The following CLVS1 variants were observed in gnomAD, a reference collection of about 807,000 sequenced individuals.
The protein encoded by CLVS1 is clavesin 1, also known as clavesin-1.
In CLVS1, 10 loss-of-function variants were observed where a neutral mutation model predicts 33.1. The observed-to-expected ratio is 0.30, with a 90% CI of 0.19 to 0.51. The LOEUF is 0.51. Among genes scored for constraint, CLVS1 ranks in the 20% least tolerant of loss-of-function variants. CLVS1 has a pLI of 0.97. For missense variants in CLVS1, 343 were observed against 433.4 expected (o/e 0.79, Z 1.85); for synonymous variants, 163 against 166.1 (o/e 0.98, Z 0.14).
At position 61,245,402 on chromosome 8, in the gene CLVS1, GC is replaced by G. The variant is rs200603615; in HGVS notation, c.-151-54273del. Reference sequence around the variant, plus strand: ...GGGTTTCACCATGTTGGCCAGGATGGCCTCAATCTCCTGAACTTGTGATCTG... The same window carrying G: ...GGGTTTCACCATGTTGGCCAGGATGGCTCAATCTCCTGAACTTGTGATCTG... On this transcript the variant is annotated intron_variant, in intron 2 of 2. Coordinates refer to the CLVS1 transcript ENST00000522621. Among the ~76,000 whole-genome samples, 50 of 152,136 alleles carry G rather than the reference GC, an allele frequency of 3.3e-4. No homozygotes were observed. In the East Asian group the frequency reaches 8.5e-3, roughly 26 times the overall value.
At chr8:61,470,250 GAATTTAGTTAAT>G (rs1404331091) in intron 5 of CLVS1, among the ~76,000 whole-genome samples, 1 of 152,140 alleles carries the variant, frequency 6.6e-6, no homozygotes, top group East Asian at 1.9e-4. Context: ...TCTATATAAT[GAATTTAGTTAAT>G]AAGAGAATGA....
chr8:61,393,794 G>A (rs951151033), intron 3 of CLVS1, among the ~76,000 whole-genome samples: 1 of 152,214 alleles, frequency 6.6e-6, no homozygotes, highest in Non-Finnish European at 1.5e-5. Context: ...ACCAGCACCT[G>A]CTCCAGTGGA....
chr8:61,481,267 G>A (rs10481230), intron 5 of CLVS1, among the ~76,000 whole-genome samples: 85,600 of 151,424 alleles, frequency 0.57, 27,703 homozygotes, highest in Non-Finnish European at 0.72. Flanking sequence ...CTAAATATGA[G>A]CAGCTCCAGT....
chr8:61,075,126 A>G (rs928802160), intron 1 of CLVS1, among the ~76,000 whole-genome samples: 5 of 152,172 alleles, frequency 3.3e-5, no homozygotes, highest in African/African-American at 9.7e-5. Flanking sequence ...AGGACTTTCC[A>G]GCAGCCTCAA....
At chr8:61,269,164 G>A (rs1275793259) in intron 2 of CLVS1, among the ~76,000 whole-genome samples, 1 of 149,684 alleles carries the variant, frequency 6.7e-6, no homozygotes, top group African/African-American at 2.5e-5. Flanking sequence ...TAACGTTTAA[G>A]TCTTTAATCC....
At chr8:61,244,382 T>G (rs993254174) in intron 2 of CLVS1, among the ~76,000 whole-genome samples, 1 of 152,076 alleles carries the variant, frequency 6.6e-6, no homozygotes, top group African/African-American at 2.4e-5. Flanking sequence ...GAAAGTTGTC[T>G]TGTTTTATGG....
At chr8:61,289,772 G>C (rs1036201634) in intron 1 of CLVS1, among the ~76,000 whole-genome samples, 5 of 152,142 alleles carry the variant, frequency 3.3e-5, no homozygotes, top group African/African-American at 1.2e-4. Flanking sequence ...TGTATCTTGC[G>C]GAAGAAGTTC....
chr8:61,090,333 C>T (rs943994948), intron 1 of CLVS1, among the ~76,000 whole-genome samples: 1 of 152,126 alleles, frequency 6.6e-6, no homozygotes, highest in East Asian at 1.9e-4. Flanking sequence ...TATTAATTAT[C>T]CTGTCCACGC....
chr8:61,165,594 T>A (rs1013128627), intron 2 of CLVS1, among the ~76,000 whole-genome samples: 12 of 152,362 alleles, frequency 7.9e-5, no homozygotes, highest in African/African-American at 2.6e-4. Context: ...CAACTAGGCT[T>A]AGGGATTCTT....
At chr8:61,024,912 A>C in the CLVS1 span, among the ~76,000 whole-genome samples, 1 of 147,518 alleles carries the variant, frequency 6.8e-6, no homozygotes, top group Non-Finnish European at 1.5e-5. Context: ...CAGTGGCGTG[A>C]TCTCTGCTCA....
intron 5 of CLVS1, among the ~76,000 whole-genome samples, chr8:61,478,941 A>G (rs1296841073): frequency 6.6e-6 from 1 of 152,226 alleles, no homozygotes; most frequent in South Asian, 2.1e-4. Context: ...AGTTTCTGCC[A>G]AGAGATCCGC....
chr8:61,324,141 T>C (rs748875093), intron 2 of CLVS1, among the ~76,000 whole-genome samples: 7 of 152,136 alleles, frequency 4.6e-5, no homozygotes, highest in Non-Finnish European at 8.8e-5. Flanking sequence ...TGATTTATAT[T>C]CCTTTGGGTA....
At chr8:61,228,778 A>G (rs1808378261) in intron 2 of CLVS1, among the ~76,000 whole-genome samples, 1 of 152,170 alleles carries the variant, frequency 6.6e-6, no homozygotes, top group Non-Finnish European at 1.5e-5. Flanking sequence ...CCACATTTTT[A>G]ATGCATTTAT....
the CLVS1 span, among the ~76,000 whole-genome samples, chr8:61,002,092 C>T: frequency 6.6e-6 from 1 of 152,040 alleles, no homozygotes; most frequent in Non-Finnish European, 1.5e-5. Flanking sequence ...AATCCTTCTA[C>T]CTCACCCTCC....
At chr8:61,173,921 T>A (rs2129299029) in intron 2 of CLVS1, among the ~76,000 whole-genome samples, 1 of 152,316 alleles carries the variant, frequency 6.6e-6, no homozygotes, top group Admixed American at 6.5e-5. Flanking sequence ...AAAATATGGG[T>A]TATTTTTGCC....
chr8:61,321,001 C>A lies in CLVS1; in HGVS notation c.455+20719C>A, dbSNP rs1052231503. ...GATCTTTTCATTCACTTAAAAAAAA[C>A]TATTGTAATCAATTTTATAACCATT... On this transcript the variant is annotated intron_variant, in intron 2 of 5. Coordinates refer to ENST00000325897, the MANE Select transcript of CLVS1 (RefSeq NM_173519.3). 2.6e-5 allele frequency among the ~76,000 whole-genome samples: 4 copies of A among 152,258 alleles called. No individual in the cohort carries two copies. The South Asian group carries it at 8.3e-4, about 32-fold the overall frequency.
chr8:61,335,078 G>A (rs780660009), intron 2 of CLVS1, among the ~76,000 whole-genome samples: 5 of 152,142 alleles, frequency 3.3e-5, no homozygotes, highest in African/African-American at 1.2e-4. Flanking sequence ...TGGGTTGGGG[G>A]CCAAGATCAA....
chr8:61,023,747 G>C, the CLVS1 span, among the ~76,000 whole-genome samples: 1 of 152,150 alleles, frequency 6.6e-6, no homozygotes, highest in African/African-American at 2.4e-5. Flanking sequence ...GTGGGGGAGA[G>C]GCCCAGGGAG....
At chr8:61,150,328 A>G (rs1806504173) in intron 2 of CLVS1, among the ~76,000 whole-genome samples, 1 of 152,190 alleles carries the variant, frequency 6.6e-6, no homozygotes, top group African/African-American at 2.4e-5. Context: ...AGCCAGGGGC[A>G]TGGCGCTTAG....
Sources: allele counts gnomAD v4.1 joint callset (sites outside exome capture counted in the v4.1 genomes callset), GRCh38; gene constraint gnomAD v4.1.1; transcripts MANE v1.5; gene names NCBI Gene and HGNC (gene_info 2026-07-23, HGNC 2026-07-21).